Variants in TMEM132D observed in about 807,000 individuals in gnomAD.
The protein encoded by TMEM132D is mature OL transmembrane protein.
A neutral mutation model predicts 62.3 loss-of-function variants in TMEM132D; 21 were observed. The ratio of observed to expected loss-of-function variants is 0.34; its 90% confidence interval spans 0.24 to 0.49. The LOEUF (loss-of-function observed/expected upper bound fraction) is 0.49, where lower values mean the gene tolerates loss of function less well. Among genes scored for constraint, TMEM132D ranks in the 20% least tolerant of loss-of-function variants. The probability of loss-of-function intolerance (pLI) is 0.99; values close to 1 mark genes in which losing one functional copy is unlikely to be tolerated. For synonymous variants in TMEM132D, 621 were observed against 575.6 expected, an observed-to-expected ratio of 1.08 and a Z score of -1.13; for missense variants, 1,346 against 1,402.8, an observed-to-expected ratio of 0.96 and a Z score of 0.65.
intron 1 of TMEM132D, among the ~76,000 whole-genome samples, chr12:129,892,297 G>A: frequency 6.6e-6 from 1 of 152,154 alleles, no homozygotes; most frequent in East Asian, 1.9e-4. Context: ...TGTCCTAGAA[G>A]AGGAAAAATC....
intron 2 of TMEM132D, among the ~76,000 whole-genome samples, chr12:129,559,591 A>C (rs1877157895): frequency 1.3e-5 from 2 of 152,190 alleles, no homozygotes; most frequent in African/African-American, 4.8e-5. Context: ...TAAGAGCATA[A>C]ATGGTAAATC....
intron 3 of TMEM132D, among the ~76,000 whole-genome samples, chr12:129,433,011 T>C (rs989481889): frequency 2.6e-5 from 4 of 152,168 alleles, no homozygotes; most frequent in East Asian, 1.9e-4. Context: ...TTTATAGAAG[T>C]GGAATCACAT....
intron 5 of TMEM132D, among the ~76,000 whole-genome samples, chr12:129,202,579 A>G (rs1461202278): frequency 6.6e-6 from 1 of 152,182 alleles, no homozygotes; most frequent in African/African-American, 2.4e-5. Context: ...TTCCTGCCCA[A>G]GTCTGAAGCC....
chr12:129,749,226 A>G (rs1317175243), intron 1 of TMEM132D, among the ~76,000 whole-genome samples: 1 of 152,220 alleles, frequency 6.6e-6, no homozygotes, highest in African/African-American at 2.4e-5. Flanking sequence ...AAGTCCAGCT[A>G]TAAATGTAGC....
At chr12:129,284,243 A>T (rs1052019014) in intron 4 of TMEM132D, among the ~76,000 whole-genome samples, 1 of 152,254 alleles carries the variant, frequency 6.6e-6, no homozygotes, top group East Asian at 1.9e-4. Context: ...GGACATCCAC[A>T]TCAGGCCTTT....
intron 3 of TMEM132D, among the ~76,000 whole-genome samples, chr12:129,499,886 C>A (rs1031402473): frequency 6.6e-6 from 1 of 152,026 alleles, no homozygotes; most frequent in Non-Finnish European, 1.5e-5. Context: ...AGCAGGGAGG[C>A]AATTCACCTG....
Position 129,622,710 on chromosome 12 carries a change from T to C in TMEM132D, c.968+77100A>G, listed in dbSNP as rs576565734. ...TCTACGTAGAACCTGGCGGGGACCATCCACTTCTTTTCCATGTGGTCCCAA... is the reference window on the plus strand; with the variant it reads ...TCTACGTAGAACCTGGCGGGGACCACCCACTTCTTTTCCATGTGGTCCCAA... On this transcript the variant is annotated intron_variant, in intron 2 of 8. Transcript: ENST00000422113. Among the ~76,000 whole-genome samples the C allele has an allele frequency of 2.2e-4, 33 of 152,330 alleles. 1 individual carries two copies. Among genetic ancestry groups the C allele is most frequent in the African/African-American group, 7.7e-4 (32 of 41,586 alleles).
At chr12:129,343,713 A>G (rs983670501) in intron 3 of TMEM132D, among the ~76,000 whole-genome samples, 7 of 150,952 alleles carry the variant, frequency 4.6e-5, no homozygotes, top group African/African-American at 1.7e-4. Flanking sequence ...GGAGTTCAAG[A>G]CCAGCCTGGC....
chr12:129,570,811 A>G (rs766351315), intron 2 of TMEM132D, among the ~76,000 whole-genome samples: 33 of 152,228 alleles, frequency 2.2e-4, no homozygotes, highest in Non-Finnish European at 4.3e-4. Flanking sequence ...ATATTATGAA[A>G]TAAGAAAACA....
intron 3 of TMEM132D, among the ~76,000 whole-genome samples, chr12:129,398,303 C>G (rs1404529223): frequency 1.3e-5 from 2 of 152,136 alleles, no homozygotes; most frequent in African/African-American, 4.8e-5. Context: ...TGTTTTCCTC[C>G]CTGTGAAGCT....
At chr12:129,386,997 A>G (rs1172060529) in intron 3 of TMEM132D, among the ~76,000 whole-genome samples, 1 of 152,146 alleles carries the variant, frequency 6.6e-6, no homozygotes, top group Non-Finnish European at 1.5e-5. Context: ...ACTAACACCA[A>G]CACTAACAAT....
intron 5 of TMEM132D, among the ~76,000 whole-genome samples, chr12:129,148,608 C>A (rs1386933236): frequency 6.6e-6 from 1 of 152,268 alleles, no homozygotes; most frequent in South Asian, 2.1e-4. Flanking sequence ...CCCATAGGAC[C>A]CATGTTTGGA....
chr12:129,826,183 C>T (rs181397567), intron 1 of TMEM132D, among the ~76,000 whole-genome samples: 25 of 152,302 alleles, frequency 1.6e-4, no homozygotes, highest in Non-Finnish European at 2.4e-4. Flanking sequence ...AAGGGCCGCA[C>T]GTGTCTCCAC....
In TMEM132D at chr12:129,803,271, T is replaced by C. The variant is rs993303911; in HGVS notation, c.79+99990A>G. Among the ~76,000 whole-genome samples the C allele has an allele frequency of 2.7e-4, 39 of 146,620 alleles. 1 individual carries two copies. Among genetic ancestry groups the C allele is most frequent in the Non-Finnish European group, 5.5e-4 (36 of 65,974 alleles). ...GCACCACACCACACCTATTCCGAAA[T>C]TGACCACATACTTGGAAGTAAAGCT... On this transcript the variant is annotated intron_variant, in intron 1 of 8. Transcript: ENST00000422113.
At chr12:129,254,265 G>T (rs924816185) in intron 4 of TMEM132D, among the ~76,000 whole-genome samples, 2 of 152,208 alleles carry the variant, frequency 1.3e-5, no homozygotes, top group Non-Finnish European at 2.9e-5. Context: ...TGGACATCCC[G>T]ATTACTCTGA....
rs373539122 is a variant in TMEM132D at position 129,669,066 on chromosome 12, C to T, written c.968+30744G>A. ...GAGGGTACAAACCCATGGCTGGGCT[C>T]GGCTTTTAAAAACTCTTATCTGAGA... On this transcript the variant is annotated intron_variant, in intron 2 of 8. Coordinates refer to ENST00000422113, the MANE Select transcript of TMEM132D (RefSeq NM_133448.3). 1.8e-4 allele frequency among the ~76,000 whole-genome samples: 28 copies of T among 152,254 alleles called. No homozygotes were observed. The East Asian group carries it at 2.7e-3, about 15-fold the overall frequency.
chr12:129,420,158 T>C (rs1872257459), intron 3 of TMEM132D, among the ~76,000 whole-genome samples: 1 of 152,142 alleles, frequency 6.6e-6, no homozygotes, highest in Admixed American at 6.5e-5. Flanking sequence ...GTTGCTGGTG[T>C]CTGCGATAGC....
chr12:129,641,600 G>A (rs1565933147), intron 2 of TMEM132D, among the ~76,000 whole-genome samples: 1 of 152,162 alleles, frequency 6.6e-6, no homozygotes, highest in African/African-American at 2.4e-5. Context: ...AGACCCAACA[G>A]AAAATGGTTC....
At chr12:129,717,742 A>C (rs1483282361) in intron 1 of TMEM132D, among the ~76,000 whole-genome samples, 2 of 151,872 alleles carry the variant, frequency 1.3e-5, no homozygotes, top group Non-Finnish European at 2.9e-5. Context: ...AATATTTAAT[A>C]AAATTGTTGG....
Sources: gnomAD v4.1 joint callset for allele counts (sites outside exome capture counted in the v4.1 genomes callset) on GRCh38, gnomAD v4.1.1 for gene constraint, MANE v1.5 for transcripts, NCBI Gene and HGNC (gene_info 2026-07-23, HGNC 2026-07-21) for gene names.